The following DAB1 variants were observed in gnomAD, a reference collection of about 807,000 sequenced individuals.
The protein encoded by DAB1 is disabled homolog 1.
Under a neutral mutation model 64.6 loss-of-function variants are expected in DAB1, and 15 were observed. The ratio of observed to expected loss-of-function variants is 0.23; its 90% CI spans 0.16 to 0.36. DAB1 has a LOEUF of 0.36. Ranked by LOEUF, DAB1 falls within the 10% of genes least tolerant of loss-of-function variation. The pLI is 1.00. For missense variants in DAB1, 596 were observed against 706.7 expected, an observed-to-expected ratio of 0.84 and a Z score of 1.78; for synonymous variants, 235 against 251.9, an observed-to-expected ratio of 0.93 and a Z score of 0.64.
chr1:58,437,079 G>A (rs1181316511), intron 3 of DAB1, among the ~76,000 whole-genome samples: 2 of 151,214 alleles, frequency 1.3e-5, no homozygotes, highest in South Asian at 2.1e-4. Context: ...TAAAACACAA[G>A]TGAGATCAGT....
chr1:57,041,005 C>T (rs190800699), intron 9 of DAB1, among the ~76,000 whole-genome samples: 5 of 152,052 alleles, frequency 3.3e-5, no homozygotes, highest in Admixed American at 3.3e-4. Flanking sequence ...CAAATGGTAA[C>T]AAGAAATATT....
intron 7 of DAB1, among the ~76,000 whole-genome samples, chr1:57,591,168 G>A (rs1458581510): frequency 1.3e-5 from 2 of 152,172 alleles, no homozygotes; most frequent in African/African-American, 2.4e-5. Context: ...CCTGAGCTGT[G>A]AAGTCAGACA....
At chr1:57,901,963 G>A (rs12092967) in intron 5 of DAB1, among the ~76,000 whole-genome samples, 1,579 of 151,706 alleles carry the variant, frequency 0.01, 34 homozygotes, top group African/African-American at 0.037. Context: ...AAACAAACAC[G>A]CGGGCAACAT....
rs1672679678 is a variant in DAB1 at position 57,290,436 on chromosome 1, G to C, written c.67+528C>G. On this transcript the variant is annotated intron_variant, in intron 2 of 14. Transcript: ENST00000371236. The stretch of plus-strand genomic sequence containing the variant: ...TTTGAGATGAGACTCAGAAATGAAG[G>C]CTTTATCAAGCCCTCCCAGTGATTC... Among the ~76,000 whole-genome samples the C allele has an allele frequency of 2.0e-5, 3 of 152,242 alleles. No homozygotes were observed. In the South Asian group the frequency reaches 6.2e-4, roughly 32 times the overall value.
chr1:58,277,135 G>A (rs1219981015), intron 4 of DAB1, among the ~76,000 whole-genome samples: 1 of 149,836 alleles, frequency 6.7e-6, no homozygotes, highest in African/African-American at 2.5e-5. Context: ...CGCCTCCCGG[G>A]TTCAAGCGAT....
intron 6 of DAB1, among the ~76,000 whole-genome samples, chr1:57,796,904 C>A (rs1418411773): frequency 6.6e-6 from 1 of 152,164 alleles, no homozygotes; most frequent in Non-Finnish European, 1.5e-5. Flanking sequence ...CCAGTCATTT[C>A]TCCTGCAGCC....
intron 3 of DAB1, among the ~76,000 whole-genome samples, chr1:58,394,839 T>C (rs115005670): frequency 3.7e-4 from 57 of 152,302 alleles, no homozygotes; most frequent in Non-Finnish European, 1.5e-4. Flanking sequence ...GTCATACTAC[T>C]GTACGTATTT....
At chr1:57,650,680 C>A (rs2101654490) in intron 6 of DAB1, among the ~76,000 whole-genome samples, 1 of 152,190 alleles carries the variant, frequency 6.6e-6, no homozygotes, top group Admixed American at 6.5e-5. Flanking sequence ...AAATTTTCTA[C>A]AGAGAGCATG....
chr1:57,827,174 T>A (rs1652387162), intron 1 of DAB1, among the ~76,000 whole-genome samples: 1 of 152,228 alleles, frequency 6.6e-6, no homozygotes, highest in South Asian at 2.1e-4. Flanking sequence ...TCCCTTTTTT[T>A]ATTTAACATT....
intron 4 of DAB1, among the ~76,000 whole-genome samples, chr1:58,201,102 C>T (rs574531527): frequency 2.0e-5 from 3 of 150,530 alleles, no homozygotes; most frequent in Admixed American, 6.6e-5. Context: ...CTGCAAGCTC[C>T]GCCTCCCAGG....
At chr1:58,058,436 G>A (rs924692913) in intron 5 of DAB1, among the ~76,000 whole-genome samples, 1 of 152,070 alleles carries the variant, frequency 6.6e-6, no homozygotes, top group Admixed American at 6.5e-5. Context: ...ACTCATTTAC[G>A]CCATTCGCTC....
intron 5 of DAB1, among the ~76,000 whole-genome samples, chr1:58,117,013 G>C (rs1042283062): frequency 6.6e-6 from 1 of 152,192 alleles, no homozygotes; most frequent in African/African-American, 2.4e-5. Context: ...AGCCCAAAAA[G>C]AGCAGTGTCA....
chr1:57,103,614 G>C (rs953549247), intron 4 of DAB1, among the ~76,000 whole-genome samples: 1 of 152,032 alleles, frequency 6.6e-6, no homozygotes, highest in Non-Finnish European at 1.5e-5. Flanking sequence ...GGGGAGGAGA[G>C]AGTAGGGAGG....
At chr1:57,457,953 T>G (rs1686658258) in intron 7 of DAB1, among the ~76,000 whole-genome samples, 1 of 152,046 alleles carries the variant, frequency 6.6e-6, no homozygotes, top group Non-Finnish European at 1.5e-5. Flanking sequence ...GACAGCCAAT[T>G]TGGGCCTATG....
At chr1:58,412,359 TTC>T (rs10632545) in intron 3 of DAB1, among the ~76,000 whole-genome samples, 1 of 152,070 alleles carries the variant, frequency 6.6e-6, no homozygotes, top group Non-Finnish European at 1.5e-5. Context: ...ACCCAGTAAG[TTC>T]TCTCTCTTTT....
At chr1:57,094,475 C>T (rs1653977153) in intron 4 of DAB1, among the ~76,000 whole-genome samples, 1 of 152,164 alleles carries the variant, frequency 6.6e-6, no homozygotes, top group South Asian at 2.1e-4. Flanking sequence ...AGTTGACCAT[C>T]TACCGAGGTA....
intron 2 of DAB1, among the ~76,000 whole-genome samples, chr1:57,276,378 G>T (rs2100610893): frequency 6.6e-6 from 1 of 152,288 alleles, no homozygotes; most frequent in Non-Finnish European, 1.5e-5. Context: ...AAACATCAAA[G>T]AAAAACTACT....
chr1:57,740,232 A>T (rs1422642796), intron 6 of DAB1, among the ~76,000 whole-genome samples: 2 of 152,142 alleles, frequency 1.3e-5, no homozygotes, highest in East Asian at 3.9e-4. Flanking sequence ...TAATATTTTA[A>T]AAATCATCCA....
At chr1:57,276,407 T>A (rs1336316682) in intron 2 of DAB1, among the ~76,000 whole-genome samples, 1 of 152,256 alleles carries the variant, frequency 6.6e-6, no homozygotes, top group South Asian at 2.1e-4. Context: ...AATTACTGAT[T>A]ATAAGTAAAT....
Sources: gnomAD v4.1 joint callset for allele counts (sites outside exome capture counted in the v4.1 genomes callset) on GRCh38, gnomAD v4.1.1 for gene constraint, MANE v1.5 for transcripts, NCBI Gene and HGNC (gene_info 2026-07-23, HGNC 2026-07-21) for gene names.